Variants in ABCF3 observed in about 807,000 individuals in gnomAD.
ABCF3 encodes ATP binding cassette subfamily F member 3.
In ABCF3, 62 loss-of-function variants were observed where a neutral mutation model predicts 94.3. The ratio of observed to expected loss-of-function variants is 0.66; its 90% confidence interval spans 0.54 to 0.81. The LOEUF is 0.81. ABCF3 is among the 40% of genes least tolerant of loss of function. The probability of loss-of-function intolerance (pLI) is 0.00; values close to 1 mark genes in which losing one functional copy is unlikely to be tolerated. For synonymous variants in ABCF3, 355 were observed against 361.1 expected (o/e 0.98, Z 0.19); for missense variants, 843 against 925.3 (o/e 0.91, Z 1.15).
Position 184,189,702 on chromosome 3 carries a change from T to A in ABCF3, c.1259T>A (p.Leu420Gln), listed in dbSNP as rs1715888369. ...ETFIKSKQER[L>Q]LNQQREYEAQ... ...TTCATCAAGAGTAAGCAGGAGCGGC[T>A]GCTCAACCAGCAGCGTGAATATGAG... The change falls in exon 13 of 21, where the codon CTG becomes CAG. Residue 420 changes from leucine to glutamine, a missense_variant. Leu to Gln is a moderately radical substitution (Grantham distance 113, BLOSUM62 -2). Coordinates refer to ENST00000429586, the MANE Select transcript of ABCF3 (RefSeq NM_018358.3). 1 of 1,613,990 alleles carries A rather than the reference T, an allele frequency of 6.2e-7. No homozygotes were observed. Among genetic ancestry groups the A allele is most frequent in the Non-Finnish European group, 8.5e-7 (1 of 1,180,020 alleles).
rs1397718980 is a variant in ABCF3, at chr3:184,193,541, G to A, written c.1973G>A (p.Gly658Asp). ...ALGRALNNFR[G>D]GVILVSHDER... ...ACCTCCTGCCCTCCTGTCTTTCAGG[G>A]TGGTGTGATTCTGGTGTCCCACGAT... is the stretch of plus-strand genomic sequence containing the variant. The change falls in exon 21 of 21, where the codon GGT (glycine) becomes GAT (aspartate). Residue 658 changes from glycine to aspartate, a missense_variant and splice_region_variant. Transcript: ENST00000429586. The surrounding 1 kb of genome is among the most constrained non-coding windows in gnomAD (Gnocchi z 5.2). 1 of 1,614,054 alleles carries A rather than the reference G, an allele frequency of 6.2e-7. No individual in the cohort carries two copies. The highest frequency in any genetic ancestry group is 8.5e-7 in the Non-Finnish European group (1 of 1,180,014).
At chr3:184,191,488 A>G (rs1011679891) in intron 16 of ABCF3, among the ~76,000 whole-genome samples, 20 of 152,160 alleles carry the variant, frequency 1.3e-4, no homozygotes, top group African/African-American at 4.8e-4. Flanking sequence ...AAAAATACTT[A>G]AAGCAGTGCT....
Position 184,193,330 on chromosome 3 carries a change from C to T in ABCF3, c.1884-35C>T, listed in dbSNP as rs1199471076. 1.9e-6 allele frequency: 3 copies of T among 1,614,024 alleles called. No homozygotes were observed. The highest frequency in any genetic ancestry group is 1.7e-5 in the Admixed American group (1 of 60,014). On this transcript the variant is annotated intron_variant, in intron 19 of 20. Transcript: ENST00000429586. This position sits in a 1 kb window ranked among gnomAD's most constrained non-coding sequence, Gnocchi z 5.2. Reference sequence around the variant, plus strand: ...AGGCTTTATTTTCTCTCACCGCACCCCTTCACTGCCCACCTTCCTGGTTCT... The same window carrying T: ...AGGCTTTATTTTCTCTCACCGCACCTCTTCACTGCCCACCTTCCTGGTTCT...
chr3:184,190,848 A>C, intron 14 of ABCF3, 151 bp from the exon 15 acceptor site: 1 of 890,756 alleles, frequency 1.1e-6, no homozygotes, highest in Non-Finnish European at 1.7e-6. Context: ...ATTTTTTAGC[A>C]TACAGTAAAT....
Position 184,193,022 on chromosome 3 carries a change from G to A in ABCF3, c.1751-80G>A. The A allele has an allele frequency of 6.4e-7, 1 of 1,551,108 alleles. No homozygotes were observed. Among genetic ancestry groups the A allele is most frequent in the Non-Finnish European group, 8.7e-7 (1 of 1,146,592 alleles). ...CCGCCAAGCCTAGATGGAAGGACAT[G>A]GGGACTTGGAGGTGTGGCTGGAGGG... On this transcript the variant is annotated intron_variant, in intron 18 of 20. Transcript: ENST00000429586. This position sits in a 1 kb window ranked among gnomAD's most constrained non-coding sequence, Gnocchi z 5.2.
In ABCF3 at chr3:184,192,795, C is replaced by G; in HGVS notation, c.1659-10C>G. On this transcript the variant is annotated splice_polypyrimidine_tract_variant and intron_variant, in intron 17 of 20. Transcript: ENST00000429586. The stretch of plus-strand genomic sequence containing the variant: ...TTTGTCTGTTTTTCCACCTCGGCTT[C>G]TGCCTGCAGGAATCTGAAGATTGGC... The G allele has an allele frequency of 1.2e-6, 2 of 1,613,878 alleles. No individual in the cohort carries two copies. The highest frequency in any genetic ancestry group is 8.5e-7 in the Non-Finnish European group (1 of 1,179,764).
In ABCF3 at chr3:184,187,386, A is replaced by G; in HGVS notation, c.302-11A>G. Reference sequence around the variant, plus strand: ...CAGGGAGAAGGTGACTGCTTTTCTTATCGCTTACAGACTGTGGAACCAAAC... The same window carrying G: ...CAGGGAGAAGGTGACTGCTTTTCTTGTCGCTTACAGACTGTGGAACCAAAC... On this transcript the variant is annotated splice_polypyrimidine_tract_variant and intron_variant, in intron 3 of 20. Coordinates refer to ENST00000429586, the MANE Select transcript of ABCF3 (RefSeq NM_018358.3). 6.8e-6 allele frequency: 11 copies of G among 1,613,834 alleles called. No homozygotes were observed. The highest frequency in any genetic ancestry group is 9.3e-6 in the Non-Finnish European group (11 of 1,179,978).
rs200506364 is a variant in ABCF3 at position 184,189,585 on chromosome 3, C to G, written c.1142C>G (p.Ser381Cys). 2 of 1,614,190 alleles carry G rather than the reference C, an allele frequency of 1.2e-6. No homozygotes were observed. Among genetic ancestry groups the G allele is most frequent in the Non-Finnish European group, 1.7e-6 (2 of 1,180,044 alleles). ...TGGCCCTCCACCATCCTAGTCGTCT[C>G]CCACGACCGCAACTTCTTGAATGCC... is the stretch of plus-strand genomic sequence containing the variant. ...QTWPSTILVV[S>C]HDRNFLNAIA... Residue 381 changes from serine (S) to cysteine (C), a missense_variant, in exon 13 of 21, where the codon TCC becomes TGC. Physicochemically the swap from Ser to Cys is moderately radical, Grantham distance 112. Transcript: ENST00000429586.
intron 16 of ABCF3, among the ~76,000 whole-genome samples, chr3:184,191,972 CTGACCTCAAA>C (rs1716056288): frequency 1.3e-5 from 2 of 152,052 alleles, no homozygotes; most frequent in African/African-American, 4.8e-5. Context: ...TCTCAAACTC[CTGACCTCAAA>C]TGATCTGCCT....
Position 184,191,029 on chromosome 3 carries a change from A to G in ABCF3, c.1422A>G (p.Ser474=). The G allele has an allele frequency of 1.2e-6, 2 of 1,614,194 alleles. No homozygotes were observed. Among genetic ancestry groups the G allele is most frequent in the Non-Finnish European group, 1.7e-6 (2 of 1,180,044 alleles). ...LPELKPVDKE[S]EVVMKFPDGF... is the part of the protein sequence containing the mutation. ...AGCTGAAGCCTGTGGACAAGGAATC[A>G]GAGGTCGTAATGAAGTAAGTGCTGG... is the stretch of plus-strand genomic sequence containing the variant. Residue 474 remains serine, a synonymous_variant, in exon 15 of 21, where the codon TCA becomes TCG. Transcript: ENST00000429586.
In ABCF3 at chr3:184,192,701, C is replaced by G; in HGVS notation, c.1658+12C>G. ...AGACACGCTCACAGGTCAGGCCCAC[C>G]CGCACCCCTGCCCCCATGAGCACAT... is the stretch of plus-strand genomic sequence containing the variant. On this transcript the variant is annotated intron_variant, in intron 17 of 20. Coordinates refer to ENST00000429586, the MANE Select transcript of ABCF3 (RefSeq NM_018358.3). 1 of 1,610,014 alleles carries G rather than the reference C, an allele frequency of 6.2e-7. No individual in the cohort carries two copies. Among genetic ancestry groups the G allele is most frequent in the Non-Finnish European group, 8.5e-7 (1 of 1,178,072 alleles).
intron 14 of ABCF3, chr3:184,190,455 C>G (rs530764717): frequency 2.4e-5 from 4 of 166,780 alleles, no homozygotes; most frequent in African/African-American, 9.6e-5. Flanking sequence ...TATACCTAGG[C>G]GCAGAATTGC....
chr3:184,188,912 G>C lies in ABCF3; in HGVS notation c.918-17G>C, dbSNP rs747708233. Reference sequence around the variant, plus strand: ...GTGGACTGTTCCAACTGAGTTCTTCGATTTCTTCTCTACTAGGGCATCAGT... The same window carrying C: ...GTGGACTGTTCCAACTGAGTTCTTCCATTTCTTCTCTACTAGGGCATCAGT... On this transcript the variant is annotated splice_polypyrimidine_tract_variant and intron_variant, in intron 8 of 20. Coordinates refer to ENST00000429586, the MANE Select transcript of ABCF3 (RefSeq NM_018358.3). 2 of 1,614,042 alleles carry C rather than the reference G, an allele frequency of 1.2e-6. No homozygotes were observed. The highest frequency in any genetic ancestry group is 1.7e-6 in the Non-Finnish European group (2 of 1,180,036).
intron 7 of ABCF3, 132 bp downstream of exon 7, chr3:184,188,539 C>G: frequency 7.9e-7 from 1 of 1,260,614 alleles, no homozygotes; most frequent in Non-Finnish European, 1.1e-6. Context: ...CTCTGGGACT[C>G]AGAAGCCCTT....
In ABCF3 at chr3:184,191,210, C is replaced by T. The variant is rs1349081624; in HGVS notation, c.1524C>T (p.Phe508=). 3.1e-6 allele frequency: 5 copies of T among 1,614,102 alleles called. No individual in the cohort carries two copies. The highest frequency in any genetic ancestry group is 2.2e-5 in the East Asian group (1 of 44,896). The change falls in exon 16 of 21, where the codon TTC becomes TTT. Residue 508 remains phenylalanine, a synonymous_variant. Transcript: ENST00000429586. The part of the protein sequence containing the change: ...DFYYDPKHVI[F]SRLSVSADLE... ...ACTACGATCCGAAGCACGTCATCTT[C>T]AGTCGCCTCTCTGTGTCTGCTGATC... is the stretch of plus-strand genomic sequence containing the variant.
chr3:184,186,503 C>T lies in ABCF3; in HGVS notation c.74-4C>T, dbSNP rs370595213. Reference sequence around the variant, plus strand: ...CCTTCCTCGTTCTACCACGCCCTGCCCAGGCGTCTTGCACAGCGGCAGCGC... The same window carrying T: ...CCTTCCTCGTTCTACCACGCCCTGCTCAGGCGTCTTGCACAGCGGCAGCGC... On this transcript the variant is annotated splice_polypyrimidine_tract_variant and splice_region_variant and intron_variant, in intron 1 of 20. Transcript: ENST00000429586. 2.1e-5 allele frequency: 34 copies of T among 1,608,256 alleles called. 1 individual carries two copies. In the Admixed American group the frequency reaches 5.5e-4, roughly 26 times the overall value.
intron 14 of ABCF3, 39 bp from the exon 15 acceptor site, chr3:184,190,960 T>G (rs1451510404): frequency 5.0e-6 from 8 of 1,609,462 alleles, no homozygotes; most frequent in Non-Finnish European, 6.8e-6. Flanking sequence ...AGTTATTTTT[T>G]TAAGTAATAA....
rs1321774870 is a variant in ABCF3, at chr3:184,186,266, T to C, written c.59T>C (p.Phe20Ser). The change falls in exon 1 of 21, where the codon TTC (phenylalanine) becomes TCC (serine). Residue 20 changes from phenylalanine (F) to serine (S), a missense_variant. By Grantham distance (155) the Phe-to-Ser change is radical. Transcript: ENST00000429586. ...SEFPEIDGQV[F>S]DYVTGVLHSG... ...TTCCCCGAAATTGACGGACAAGTCT[T>C]CGACTACGTGACCGGTAAGCAGAAC... 6.2e-7 allele frequency: 1 copy of C among 1,614,192 alleles called. No individual in the cohort carries two copies. The highest frequency in any genetic ancestry group is 2.2e-5 in the East Asian group (1 of 44,886).
rs1715746352 is a variant in ABCF3 at position 184,187,933 on chromosome 3, C to T, written c.519C>T (p.Asn173=). ...KESRLESSGK[N]KSYDVRIENF... is the part of the protein sequence containing the mutation. ...GTCGGTTGGAATCATCTGGCAAGAA[C>T]AAATCCTATGATGTGCGAATTGAGA... Residue 173 remains asparagine, a synonymous_variant, in exon 6 of 21, where the codon AAC becomes AAT. Coordinates refer to ENST00000429586, the MANE Select transcript of ABCF3 (RefSeq NM_018358.3). 1.2e-6 allele frequency: 2 copies of T among 1,614,080 alleles called. No individual in the cohort carries two copies. The highest frequency in any genetic ancestry group is 8.5e-7 in the Non-Finnish European group (1 of 1,180,020).
Sources: gnomAD v4.1 joint callset for allele counts (sites outside exome capture counted in the v4.1 genomes callset) on GRCh38, gnomAD v4.1.1 for gene constraint, Gnocchi (gnomAD v3.1) non-coding constraint, MANE v1.5 for transcripts, NCBI Gene and HGNC (gene_info 2026-07-23, HGNC 2026-07-21) for gene names.